Variants in BAZ1A observed in about 807,000 individuals in gnomAD.
BAZ1A encodes the protein bromodomain adjacent to zinc finger domain protein 1A.
Under a neutral mutation model 185.2 loss-of-function variants are expected in BAZ1A, and 50 were observed. The observed-to-expected ratio is 0.27, with a 90% CI of 0.22 to 0.34. The LOEUF is 0.34. Ranked by LOEUF, BAZ1A falls within the 10% of genes least tolerant of loss-of-function variation. The probability of loss-of-function intolerance (pLI) is 1.00; values close to 1 mark genes in which losing one functional copy is unlikely to be tolerated. For missense variants in BAZ1A, 1,356 were observed against 1,839.9 expected (o/e 0.74, Z 4.81); for synonymous variants, 571 against 615.6 (o/e 0.93, Z 1.07).
chr14:34,807,641 T>G (rs2041865309), intron 5 of BAZ1A, 103 bp from the exon 6 acceptor site: 2 of 747,992 alleles, frequency 2.7e-6, no homozygotes, highest in African/African-American at 3.6e-5. Context: ...TCAGAAAGCC[T>G]AGGAATCAAA....
At chr14:34,793,955 A>AT (rs1489487124) in intron 11 of BAZ1A, among the ~76,000 whole-genome samples, 4 of 151,538 alleles carry the variant, frequency 2.6e-5, no homozygotes, top group South Asian at 4.2e-4. Flanking sequence ...AAGAAAAAAA[A>AT]GAAAAAAAGA....
intron 21 of BAZ1A, chr14:34,768,615 A>C (rs557830464): frequency 6.6e-6 from 2 of 300,822 alleles, no homozygotes; most frequent in Non-Finnish European, 1.3e-5. Context: ...GCAAATCACT[A>C]TTCAGCCATA....
At chr14:34,761,129 T>G (rs1886505661) in intron 24 of BAZ1A, among the ~76,000 whole-genome samples, 1 of 151,862 alleles carries the variant, frequency 6.6e-6, no homozygotes, top group South Asian at 2.1e-4. Context: ...AATACAAAAA[T>G]TAGCCCGGTG....
At chr14:34,869,786 C>T (rs1421777703) in intron 2 of BAZ1A, among the ~76,000 whole-genome samples, 8 of 152,100 alleles carry the variant, frequency 5.3e-5, no homozygotes, top group African/African-American at 1.4e-4. Context: ...TATTTCATGA[C>T]CTCTTGAATC....
At chr14:34,789,030 T>G (rs1422659758) in intron 12 of BAZ1A, among the ~76,000 whole-genome samples, 1 of 152,180 alleles carries the variant, frequency 6.6e-6, no homozygotes, top group African/African-American at 2.4e-5. Flanking sequence ...TCTATAAAAT[T>G]TGCATATATG....
intron 5 of BAZ1A, among the ~76,000 whole-genome samples, chr14:34,808,038 G>T (rs1338330882): frequency 2.0e-5 from 3 of 152,024 alleles, no homozygotes; most frequent in African/African-American, 7.3e-5. Flanking sequence ...ACAGGAGGCA[G>T]TGAGCCAAGA....
At chr14:34,798,817 A>T (rs947967088) in intron 9 of BAZ1A, among the ~76,000 whole-genome samples, 1 of 152,198 alleles carries the variant, frequency 6.6e-6, no homozygotes, top group African/African-American at 2.4e-5. Flanking sequence ...ATTGTGGAAG[A>T]CAGTGTGGCG....
At chr14:34,756,275 G>A (rs954844873) in intron 25 of BAZ1A, among the ~76,000 whole-genome samples, 22 of 150,000 alleles carry the variant, frequency 1.5e-4, no homozygotes, top group African/African-American at 5.4e-4. Context: ...CACCATGCCC[G>A]GCTAATTTTT....
Position 34,773,617 on chromosome 14 carries a change from TC to T in BAZ1A, c.3106del (p.Glu1036LysfsTer12). 1.9e-6 allele frequency: 3 copies of T among 1,613,294 alleles called. No homozygotes were observed. Among genetic ancestry groups the T allele is most frequent in the Non-Finnish European group, 2.5e-6 (3 of 1,179,568 alleles). ...TGTTTGTTCATCAATTTCCATCTCT[TC>T]TACGTCTTCATTCACAGTTTTAATT... Reference protein sequence around the residue: ...GIIKTVNEDVEEMEIDEQTKV... With the variant: ...GIIKTVNEDVXEMEIDEQTKV... On this transcript the variant is annotated frameshift_variant, in exon 20 of 27. Coordinates refer to ENST00000360310, the MANE Select transcript of BAZ1A (RefSeq NM_013448.3). LOFTEE classifies it high-confidence loss of function.
intron 3 of BAZ1A, among the ~76,000 whole-genome samples, chr14:34,844,251 T>C (rs996870593): frequency 2.7e-5 from 4 of 147,762 alleles, no homozygotes; most frequent in Middle Eastern, 3.2e-3. Flanking sequence ...TAAACACTTA[T>C]TACCTGAAAA....
intron 6 of BAZ1A, among the ~76,000 whole-genome samples, chr14:34,806,606 A>T (rs893698629): frequency 2.0e-5 from 3 of 152,172 alleles, no homozygotes; most frequent in African/African-American, 7.2e-5. Context: ...TTAAAAAATT[A>T]CTTTGAGTTT....
At chr14:34,855,376 T>C (rs1167393342) in intron 3 of BAZ1A, among the ~76,000 whole-genome samples, 1 of 152,186 alleles carries the variant, frequency 6.6e-6, no homozygotes, top group Non-Finnish European at 1.5e-5. Context: ...TTTCTGTATG[T>C]CTCTTTTCTT....
At chr14:34,853,013 CGTACA>C (rs2042619986) in intron 3 of BAZ1A, among the ~76,000 whole-genome samples, 1 of 151,728 alleles carries the variant, frequency 6.6e-6, no homozygotes, top group Non-Finnish European at 1.5e-5. Flanking sequence ...ACAGTGCAAG[CGTACA>C]GATGATCAAT....
At chr14:34,819,066 G>A (rs1040226740) in intron 4 of BAZ1A, among the ~76,000 whole-genome samples, 13 of 142,428 alleles carry the variant, frequency 9.1e-5, no homozygotes, top group South Asian at 2.2e-4. Flanking sequence ...GCATGAACCC[G>A]GGAGGCGGAG....
chr14:34,763,424 A>ATT (rs1566546449), intron 23 of BAZ1A, among the ~76,000 whole-genome samples: 151 of 150,490 alleles, frequency 1.0e-3, no homozygotes, highest in African/African-American at 2.7e-3. Context: ...AAATGTTTAA[A>ATT]AAAAAAAAAA....
At chr14:34,815,870 T>G (rs1258965464) in intron 4 of BAZ1A, among the ~76,000 whole-genome samples, 2 of 152,120 alleles carry the variant, frequency 1.3e-5, no homozygotes, top group African/African-American at 4.8e-5. Context: ...GATATATATA[T>G]GTATAAAAAT....
chr14:34,860,225 T>C (rs75667717), intron 3 of BAZ1A, among the ~76,000 whole-genome samples: 4 of 152,094 alleles, frequency 2.6e-5, no homozygotes, highest in African/African-American at 9.7e-5. Flanking sequence ...ATGGCCAATA[T>C]AGGCTGGGCT....
chr14:34,802,316 G>A (rs539029025), intron 7 of BAZ1A, among the ~76,000 whole-genome samples: 6 of 152,188 alleles, frequency 3.9e-5, no homozygotes, highest in South Asian at 2.1e-4. Context: ...AGCAACCTCA[G>A]CCTCTGTCTG....
chr14:34,843,449 G>A (rs567813727), intron 3 of BAZ1A, among the ~76,000 whole-genome samples: 21 of 152,148 alleles, frequency 1.4e-4, no homozygotes, highest in Non-Finnish European at 2.9e-4. Flanking sequence ...AGAATAATAG[G>A]TCACATGGAA....
Sources: gnomAD v4.1 joint callset for allele counts (sites outside exome capture counted in the v4.1 genomes callset) on GRCh38, gnomAD v4.1.1 for gene constraint, MANE v1.5 for transcripts, NCBI Gene and HGNC (gene_info 2026-07-23, HGNC 2026-07-21) for gene names.